The following DNM3 variants were observed in gnomAD, a reference collection of about 807,000 sequenced individuals.
The protein encoded by DNM3 is dynamin-3.
DNM3 carries 47 observed loss-of-function variants against 101.6 expected under a neutral mutation model. The observed-to-expected ratio is 0.46, with a 90% CI of 0.37 to 0.59. The LOEUF (loss-of-function observed/expected upper bound fraction) is 0.59, where lower values mean the gene tolerates loss of function less well. Among genes scored for constraint, DNM3 ranks in the 20% least tolerant of loss-of-function variants. The pLI is 0.00. For synonymous variants in DNM3, 385 were observed against 387.9 expected (o/e 0.99, Z 0.09); for missense variants, 849 against 1,085.7 (o/e 0.78, Z 3.06).
At chr1:171,968,695 C>T (rs1266129902) in intron 2 of DNM3, among the ~76,000 whole-genome samples, 6 of 152,046 alleles carry the variant, frequency 3.9e-5, no homozygotes, top group African/African-American at 4.8e-5. Flanking sequence ...CAGTCCAAAC[C>T]GATGGCCTCC....
Position 172,410,447 on chromosome 1 carries a change from T to C in DNM3, c.*2606T>C. The C allele has an allele frequency of 1.0e-6, 1 of 984,828 alleles. No homozygotes were observed. The highest frequency in any genetic ancestry group is 1.2e-6 in the Non-Finnish European group (1 of 829,400). The allele number at this position is 984,828 out of a possible 1,614,324, so 61.0% of individuals were successfully genotyped here. On this transcript the variant is annotated 3_prime_UTR_variant, in exon 21 of 21. Coordinates refer to ENST00000627582, the MANE Select transcript of DNM3 (RefSeq NM_015569.5). ...TGTCTAGCATAATTTAAAAAATCAG[T>C]GTTTTTAGGATTTGGGAAAATAAAC...
At chr1:171,893,453 CT>C (rs5778713) in intron 1 of DNM3, among the ~76,000 whole-genome samples, 49 of 147,528 alleles carry the variant, frequency 3.3e-4, no homozygotes, top group Non-Finnish European at 4.0e-4. Context: ...TAATATTTGA[CT>C]TTTTTTTTTT....
At chr1:171,842,160 G>A (rs1160062153) in intron 1 of DNM3, among the ~76,000 whole-genome samples, 1 of 151,646 alleles carries the variant, frequency 6.6e-6, no homozygotes, top group Non-Finnish European at 1.5e-5. Context: ...CGCCAGCCCC[G>A]GGCAGCCTCC....
At position 171,921,758 on chromosome 1, in the gene DNM3, C is replaced by A. The variant is rs1354886066; in HGVS notation, c.172C>A (p.Pro58Thr). Residue 58 changes from proline (P) to threonine (T), a missense_variant, in exon 2 of 21, where the codon CCT becomes ACT. Physicochemically the swap from Pro to Thr is conservative, Grantham distance 38. Around this residue, in one of 5 missense-constraint regions of DNM3, gnomAD observed 388 missense variants for 483.0 expected, o/e 0.80. Transcript: ENST00000627582. ...TCTTACTTTTTTTAGGGACTTTCTC[C>A]CTCGAGGGTCGGGCATTGTAACAAG... ...LENFVGRDFL[P>T]RGSGIVTRRP... The A allele has an allele frequency of 6.3e-7, 1 of 1,592,036 alleles. No individual in the cohort carries two copies. Among genetic ancestry groups the A allele is most frequent in the Non-Finnish European group, 8.6e-7 (1 of 1,167,880 alleles).
In DNM3 at chr1:171,901,130, AAG is replaced by A. The variant is rs1386424935; in HGVS notation, c.162-20616_162-20615del. ...TCTGTCTCAAAAAAAAAAAAAAAAA[AAG>A]AAAGAAATCTATGAAGTTCAGCACC... On this transcript the variant is annotated intron_variant, in intron 1 of 20. Coordinates refer to ENST00000627582, the MANE Select transcript of DNM3 (RefSeq NM_015569.5). 8.4e-3 allele frequency among the ~76,000 whole-genome samples: 1,218 copies of A among 145,482 alleles called. 118 individuals carry two copies. The highest frequency in any genetic ancestry group is 0.029 in the African/African-American group (1,120 of 38,644).
intron 13 of DNM3, among the ~76,000 whole-genome samples, chr1:172,101,896 T>C (rs1001838742): frequency 6.6e-6 from 1 of 152,158 alleles, no homozygotes; most frequent in African/African-American, 2.4e-5. Flanking sequence ...TTTTTCTCTG[T>C]TGCCCAGGCT....
intron 14 of DNM3, among the ~76,000 whole-genome samples, chr1:172,237,820 A>G (rs1486041115): frequency 2.0e-5 from 3 of 152,198 alleles, no homozygotes; most frequent in African/African-American, 7.2e-5. Flanking sequence ...CAACAACATT[A>G]ATGTGAGAGA....
intron 2 of DNM3, among the ~76,000 whole-genome samples, chr1:171,964,496 A>T (rs1279673194): frequency 6.6e-6 from 1 of 152,066 alleles, no homozygotes; most frequent in Non-Finnish European, 1.5e-5. Context: ...TGTACATCTT[A>T]CATGTACCGA....
At chr1:171,928,517 G>C (rs1380164974) in intron 2 of DNM3, among the ~76,000 whole-genome samples, 3 of 152,128 alleles carry the variant, frequency 2.0e-5, no homozygotes, top group African/African-American at 7.2e-5. Flanking sequence ...ACCAAGCCAG[G>C]GGTTCCCTGT....
At chr1:172,036,539 T>G (rs1417992328) in intron 6 of DNM3, among the ~76,000 whole-genome samples, 2 of 152,026 alleles carry the variant, frequency 1.3e-5, no homozygotes, top group Non-Finnish European at 2.9e-5. Flanking sequence ...AAACAAGCAA[T>G]GGGGAAAGGA....
intron 18 of DNM3, among the ~76,000 whole-genome samples, chr1:172,383,312 A>G (rs2069016696): frequency 6.6e-6 from 1 of 152,074 alleles, no homozygotes; most frequent in African/African-American, 2.4e-5. Context: ...TTAACATTAC[A>G]TTTGTGAGTC....
At chr1:172,214,265 A>G (rs1444325844) in intron 14 of DNM3, among the ~76,000 whole-genome samples, 1 of 152,102 alleles carries the variant, frequency 6.6e-6, no homozygotes, top group African/African-American at 2.4e-5. Flanking sequence ...TGGGCAATAT[A>G]TTGTCCTACT....
rs1356095080 is a variant in DNM3 at position 172,379,173 on chromosome 1, G to A, written c.2049G>A (p.Met683Ile). The A allele has an allele frequency of 2.5e-6, 4 of 1,605,000 alleles. No homozygotes were observed. The East Asian group carries it at 9.0e-5, about 36-fold the overall frequency. ...DLIPKTIMHL[M>I]INNVKDFINS... ...TTCCAAAAACAATAATGCACCTTATGATCAATAACGTAAGTGATTATAAAC... is the reference window on the plus strand; with the variant it reads ...TTCCAAAAACAATAATGCACCTTATAATCAATAACGTAAGTGATTATAAAC... The change falls in exon 18 of 21, where the codon ATG becomes ATA. Residue 683 changes from methionine to isoleucine, a missense_variant. Coordinates refer to ENST00000627582, the MANE Select transcript of DNM3 (RefSeq NM_015569.5).
intron 6 of DNM3, among the ~76,000 whole-genome samples, chr1:172,035,271 A>G (rs1219907987): frequency 1.3e-5 from 2 of 152,138 alleles, no homozygotes; most frequent in South Asian, 2.1e-4. Context: ...TTGAGATATC[A>G]TTGACACATC....
At chr1:172,029,148 C>CA (rs1375407428) in intron 4 of DNM3, among the ~76,000 whole-genome samples, 1 of 152,098 alleles carries the variant, frequency 6.6e-6, no homozygotes, top group Non-Finnish European at 1.5e-5. Context: ...AACATTGATG[C>CA]AAAAATCCTC....
intron 16 of DNM3, among the ~76,000 whole-genome samples, chr1:172,321,389 A>G (rs1472846578): frequency 6.6e-6 from 1 of 152,224 alleles, no homozygotes. Context: ...GAAGAGCTAC[A>G]TGGCCAATTC....
intron 1 of DNM3, among the ~76,000 whole-genome samples, chr1:171,903,593 G>A (rs1571523523): frequency 2.0e-5 from 3 of 152,278 alleles, no homozygotes; most frequent in Admixed American, 2.0e-4. Flanking sequence ...TCAGTAACTT[G>A]TTTAAGGTCC....
chr1:172,133,256 G>A (rs2057037829), intron 14 of DNM3: 1 of 1,078,522 alleles, frequency 9.3e-7, no homozygotes, highest in Admixed American at 5.2e-5. Flanking sequence ...TGAAGGCTTG[G>A]TGAGCTCTTG....
At chr1:172,081,557 T>A (rs1336084644) in intron 11 of DNM3, among the ~76,000 whole-genome samples, 1 of 152,190 alleles carries the variant, frequency 6.6e-6, no homozygotes, top group Non-Finnish European at 1.5e-5. Context: ...AATTCTAGAT[T>A]CTGTATTAAG....
Sources: allele counts gnomAD v4.1 joint callset (sites outside exome capture counted in the v4.1 genomes callset), GRCh38; gene constraint gnomAD v4.1.1; regional missense constraint gnomAD v4.1.1; transcripts MANE v1.5; gene names NCBI Gene and HGNC (gene_info 2026-07-23, HGNC 2026-07-21).